The following RANBP2 variants were observed in gnomAD, a reference collection of about 807,000 sequenced individuals.
The protein encoded by RANBP2 is E3 SUMO-protein ligase RanBP2.
RANBP2 carries 57 observed loss-of-function variants against 303.6 expected under a neutral mutation model. That is an observed-to-expected ratio of 0.19 (90% CI 0.15 to 0.23). The LOEUF (loss-of-function observed/expected upper bound fraction) is 0.23, where lower values mean the gene tolerates loss of function less well. Ranked by LOEUF, RANBP2 falls within the 10% of genes least tolerant of loss-of-function variation. The probability of loss-of-function intolerance (pLI) is 1.00; values close to 1 mark genes in which losing one functional copy is unlikely to be tolerated. For missense variants in RANBP2, 3,138 were observed against 3,780.8 expected, an observed-to-expected ratio of 0.83 and a Z score of 4.46; for synonymous variants, 1,167 against 1,301.5, an observed-to-expected ratio of 0.90 and a Z score of 2.23.
chr2:109,440,218 CT>C, the RANBP2 span, among the ~76,000 whole-genome samples: 7 of 152,108 alleles, frequency 4.6e-5, no homozygotes, highest in African/African-American at 1.7e-4. Context: ...GCATACTGTC[CT>C]TTAAATCTGA....
chr2:109,485,128 C>A, the RANBP2 span, among the ~76,000 whole-genome samples: 1 of 152,236 alleles, frequency 6.6e-6, no homozygotes, highest in Admixed American at 6.5e-5. Flanking sequence ...TTTCTATCTG[C>A]TTCCCATGGT....
the RANBP2 span, among the ~76,000 whole-genome samples, chr2:109,007,424 T>G: frequency 6.6e-6 from 1 of 152,364 alleles, no homozygotes; most frequent in East Asian, 1.9e-4. Context: ...CTAAACAACA[T>G]GTACCTATAG....
At chr2:108,958,505 AG>A in the RANBP2 span, among the ~76,000 whole-genome samples, 1 of 151,942 alleles carries the variant, frequency 6.6e-6, no homozygotes, top group Non-Finnish European at 1.5e-5. Flanking sequence ...TTGTTCAGGC[AG>A]GGGGCAGAAC....
chr2:109,691,229 C>T, the RANBP2 span, among the ~76,000 whole-genome samples: 36 of 152,178 alleles, frequency 2.4e-4, no homozygotes, highest in Non-Finnish European at 4.4e-4. Flanking sequence ...CGCAACCAGG[C>T]CCCATCAGCT....
the RANBP2 span, among the ~76,000 whole-genome samples, chr2:109,185,083 C>A: frequency 6.6e-6 from 1 of 152,090 alleles, no homozygotes; most frequent in African/African-American, 2.4e-5. Flanking sequence ...GCTGTTACAC[C>A]GTGGAGATAG....
chr2:109,215,311 T>C, the RANBP2 span, among the ~76,000 whole-genome samples: 1 of 152,214 alleles, frequency 6.6e-6, no homozygotes, highest in African/African-American at 2.4e-5. Context: ...GTCTTCATTA[T>C]ACAATTGTTT....
the RANBP2 span, among the ~76,000 whole-genome samples, chr2:109,338,910 C>G: frequency 1.9e-4 from 23 of 121,336 alleles, no homozygotes; most frequent in South Asian, 1.0e-3. Context: ...AGAAGCCTTA[C>G]TGATAACACA....
the RANBP2 span, among the ~76,000 whole-genome samples, chr2:109,215,703 C>T: frequency 7.9e-5 from 12 of 152,148 alleles, no homozygotes; most frequent in Non-Finnish European, 1.5e-4. Flanking sequence ...ACACCCAGAC[C>T]GTGTGACTCA....
At chr2:108,796,977 C>G in the RANBP2 span, among the ~76,000 whole-genome samples, 1 of 152,116 alleles carries the variant, frequency 6.6e-6, no homozygotes, top group East Asian at 1.9e-4. Flanking sequence ...TTGTAATGTT[C>G]TCAACACAAA....
chr2:109,095,335 G>A, the RANBP2 span, among the ~76,000 whole-genome samples: 2 of 152,208 alleles, frequency 1.3e-5, no homozygotes, highest in Admixed American at 1.3e-4. Context: ...TGGAGAAACA[G>A]TTTTACATAC....
chr2:108,775,754 C>T lies in RANBP2; in HGVS notation c.8315C>T (p.Thr2772Ile). 2 of 1,613,708 alleles carry T rather than the reference C, an allele frequency of 1.2e-6. No homozygotes were observed. Among genetic ancestry groups the T allele is most frequent in the Non-Finnish European group, 1.7e-6 (2 of 1,179,880 alleles). Residue 2772 changes from threonine (T) to isoleucine (I), a missense_variant, in exon 24 of 29, where the codon ACT (threonine) becomes ATT (isoleucine). Physicochemically the swap from Thr to Ile is moderately conservative, Grantham distance 89. Transcript: ENST00000283195. Reference sequence around the variant, plus strand: ...CAGAAATCTCAGACAGAAGAAATAACTAGCACAACTGACAGTGTATATACA... The same window carrying T: ...CAGAAATCTCAGACAGAAGAAATAATTAGCACAACTGACAGTGTATATACA... ...EAQKSQTEEI[T>I]STTDSVYTGG...
the RANBP2 span, among the ~76,000 whole-genome samples, chr2:109,190,416 C>T: frequency 6.6e-6 from 1 of 152,218 alleles, no homozygotes; most frequent in Non-Finnish European, 1.5e-5. Flanking sequence ...TCAGGCGATC[C>T]ACCCGCCTCG....
chr2:109,639,199 G>A, the RANBP2 span, among the ~76,000 whole-genome samples: 12 of 150,974 alleles, frequency 7.9e-5, no homozygotes, highest in African/African-American at 2.7e-4. Flanking sequence ...TTTAGCATTA[G>A]GCCAAATCTA....
the RANBP2 span, among the ~76,000 whole-genome samples, chr2:109,340,361 G>A: frequency 6.6e-6 from 1 of 152,198 alleles, no homozygotes. Context: ...AGGACAGGAA[G>A]GGGCAAGGTC....
chr2:109,735,452 G>C, the RANBP2 span, among the ~76,000 whole-genome samples: 3 of 151,942 alleles, frequency 2.0e-5, no homozygotes, highest in African/African-American at 7.3e-5. Flanking sequence ...ATTATGCATA[G>C]TGTGGCAATA....
chr2:109,529,787 G>A, the RANBP2 span, among the ~76,000 whole-genome samples: 2 of 152,124 alleles, frequency 1.3e-5, no homozygotes, highest in Non-Finnish European at 2.9e-5. Context: ...TGAGGGGGTG[G>A]GGGCTGTGGA....
the RANBP2 span, among the ~76,000 whole-genome samples, chr2:108,928,204 A>G: frequency 1.3e-5 from 2 of 152,122 alleles, no homozygotes; most frequent in African/African-American, 4.8e-5. Context: ...AGCCCCAGGC[A>G]CTGCCCAGCT....
At chr2:109,060,428 C>T in the RANBP2 span, among the ~76,000 whole-genome samples, 1 of 152,148 alleles carries the variant, frequency 6.6e-6, no homozygotes, top group Non-Finnish European at 1.5e-5. Flanking sequence ...CTTCCATGGC[C>T]ACACCCAGGT....
chr2:109,343,491 T>C, the RANBP2 span, among the ~76,000 whole-genome samples: 1 of 152,150 alleles, frequency 6.6e-6, no homozygotes, highest in Non-Finnish European at 1.5e-5. Context: ...TCTCTTGCCT[T>C]CTCTCTCCCA....
Sources: gnomAD v4.1 joint callset for allele counts (sites outside exome capture counted in the v4.1 genomes callset) on GRCh38, gnomAD v4.1.1 for gene constraint, MANE v1.5 for transcripts, NCBI Gene and HGNC (gene_info 2026-07-23, HGNC 2026-07-21) for gene names.